The following SLC14A2 variants were observed in gnomAD, a reference collection of about 807,000 sequenced individuals.
The protein encoded by SLC14A2 is solute carrier family 14 member 2.
SLC14A2 carries 91 observed loss-of-function variants against 104.6 expected under a neutral mutation model. That is an observed-to-expected ratio of 0.87 (90% confidence interval 0.73 to 1.04). The LOEUF is 1.04. Ranked by LOEUF, SLC14A2 falls within the 50% of genes least tolerant of loss-of-function variation. The probability of loss-of-function intolerance (pLI) is 0.00; values close to 1 mark genes in which losing one functional copy is unlikely to be tolerated. For missense variants in SLC14A2, 1,189 were observed against 1,156.0 expected, an observed-to-expected ratio of 1.03 and a Z score of -0.41; for synonymous variants, 476 against 466.4, an observed-to-expected ratio of 1.02 and a Z score of -0.27.
At chr18:45,333,713 T>G (rs1210914109) in intron 1 of SLC14A2, among the ~76,000 whole-genome samples, 5 of 152,168 alleles carry the variant, frequency 3.3e-5, no homozygotes, top group African/African-American at 1.2e-4. Context: ...CAACTAGTCT[T>G]TAATACGCCT....
At chr18:45,320,742 T>C (rs1235288939) in intron 1 of SLC14A2, among the ~76,000 whole-genome samples, 6 of 152,198 alleles carry the variant, frequency 3.9e-5, no homozygotes, top group African/African-American at 1.4e-4. Context: ...ACAGCTATTT[T>C]ATTATACTAT....
rs140618727 is a variant in SLC14A2, at chr18:45,446,220, A to G, written c.-124-37013A>G. Among the ~76,000 whole-genome samples the G allele has an allele frequency of 3.7e-3, 559 of 152,330 alleles. 8 individuals are homozygous for G. Among genetic ancestry groups the G allele is most frequent in the Admixed American group, 0.034 (526 of 15,302 alleles). ...TGAATATGTTCAGAAGATCATTGTT[A>G]TGGATAGAATGTTTGTGCCCTCCTC... On this transcript the variant is annotated intron_variant, in intron 1 of 20. Coordinates refer to the SLC14A2 transcript ENST00000586448.
intron 2 of SLC14A2, among the ~76,000 whole-genome samples, chr18:45,483,883 A>G (rs1331783477): frequency 1.3e-5 from 2 of 152,230 alleles, no homozygotes; most frequent in African/African-American, 4.8e-5. Flanking sequence ...TATATTAAGC[A>G]CAAAGAAAGC....
intron 7 of SLC14A2, among the ~76,000 whole-genome samples, chr18:45,640,880 C>T (rs985794247): frequency 3.3e-5 from 5 of 152,140 alleles, no homozygotes; most frequent in Non-Finnish European, 7.3e-5. Flanking sequence ...CTCTTCAAAC[C>T]TTTTTGGAAA....
intron 2 of SLC14A2, among the ~76,000 whole-genome samples, chr18:45,565,115 C>T (rs1469630175): frequency 4.0e-5 from 6 of 151,418 alleles, no homozygotes; most frequent in Non-Finnish European, 7.4e-5. Context: ...TGTGAGCGTG[C>T]ATGCATGTGC....
At chr18:45,626,392 G>A (rs565686182) in intron 3 of SLC14A2, among the ~76,000 whole-genome samples, 1 of 152,270 alleles carries the variant, frequency 6.6e-6, no homozygotes, top group Non-Finnish European at 1.5e-5. Context: ...CAGTTGTCAT[G>A]GAAACCAAAC....
upstream of SLC14A2, among the ~76,000 whole-genome samples, chr18:45,211,283 C>G (rs767156305): frequency 6.6e-6 from 1 of 152,186 alleles, no homozygotes; most frequent in African/African-American, 2.4e-5. Context: ...CTTTCTCCCC[C>G]TTTTAAATCC....
intron 2 of SLC14A2, among the ~76,000 whole-genome samples, chr18:45,561,472 C>A (rs1222994825): frequency 6.6e-6 from 1 of 152,152 alleles, no homozygotes; most frequent in Non-Finnish European, 1.5e-5. Context: ...CAGCTCACTG[C>A]AAATGAGGCT....
At chr18:45,500,552 G>C (rs999042087) in intron 2 of SLC14A2, among the ~76,000 whole-genome samples, 14 of 149,470 alleles carry the variant, frequency 9.4e-5, no homozygotes, top group South Asian at 4.4e-4. Context: ...ACTCCAGCCT[G>C]GGCGACAGAG....
intron 1 of SLC14A2, among the ~76,000 whole-genome samples, chr18:45,431,165 T>C (rs1271123642): frequency 2.6e-5 from 4 of 152,236 alleles, no homozygotes; most frequent in Non-Finnish European, 4.4e-5. Context: ...GTTCTCTATA[T>C]GGTATTCTTT....
intron 1 of SLC14A2, among the ~76,000 whole-genome samples, chr18:45,407,358 A>T (rs1685003056): frequency 6.6e-6 from 1 of 152,188 alleles, no homozygotes; most frequent in Non-Finnish European, 1.5e-5. Flanking sequence ...GCTTTCATAG[A>T]ATTGAAGTGT....
the SLC14A2 span, among the ~76,000 whole-genome samples, chr18:45,206,224 C>T: frequency 2.0e-5 from 3 of 152,170 alleles, no homozygotes; most frequent in African/African-American, 7.2e-5. Context: ...GCCCCTGTAG[C>T]TCAGTCACTG....
chr18:45,462,037 A>G (rs1370617282), intron 1 of SLC14A2, among the ~76,000 whole-genome samples: 1 of 152,160 alleles, frequency 6.6e-6, no homozygotes, highest in East Asian at 1.9e-4. Flanking sequence ...ACCTGGAAGA[A>G]ACCTGGCCCT....
At position 45,410,512 on chromosome 18, in the gene SLC14A2, T is replaced by C. The variant is rs141809625; in HGVS notation, c.-124-72721T>C. On this transcript the variant is annotated intron_variant, in intron 1 of 20. Transcript: ENST00000586448. ...CTTAAAATGTTTTATTTTTCTACTA[T>C]ATTGAATAACAAATCTTATTTATGT... Among the ~76,000 whole-genome samples, 822 of 152,320 alleles carry C rather than the reference T, an allele frequency of 5.4e-3. 7 individuals are homozygous for C. The highest frequency in any genetic ancestry group is 0.019 in the African/African-American group (780 of 41,562).
intron 2 of SLC14A2, among the ~76,000 whole-genome samples, chr18:45,497,635 C>G (rs935634350): frequency 1.3e-5 from 2 of 152,110 alleles, no homozygotes; most frequent in African/African-American, 4.8e-5. Context: ...AGTGCAGCAG[C>G]GGGCTGACAA....
the SLC14A2 span, among the ~76,000 whole-genome samples, chr18:45,207,283 G>A: frequency 2.7e-5 from 4 of 148,948 alleles, no homozygotes; most frequent in Non-Finnish European, 5.9e-5. Flanking sequence ...ATGAAGGAAA[G>A]AAGAGAAAGG....
intron 13 of SLC14A2, among the ~76,000 whole-genome samples, chr18:45,667,442 G>A (rs2046044805): frequency 6.6e-6 from 1 of 152,174 alleles, no homozygotes; most frequent in African/African-American, 2.4e-5. Flanking sequence ...TGGTTCATGG[G>A]AGAACTGTGT....
intron 2 of SLC14A2, chr18:45,529,157 G>A (rs1163934717): frequency 6.6e-6 from 1 of 152,236 alleles, no homozygotes; most frequent in Non-Finnish European, 1.5e-5. Flanking sequence ...TGAGAAAAAC[G>A]TAGTTTGGGG....
chr18:45,511,774 A>T (rs1376396126), intron 2 of SLC14A2, among the ~76,000 whole-genome samples: 2 of 152,236 alleles, frequency 1.3e-5, no homozygotes, highest in African/African-American at 4.8e-5. Context: ...TGTGTCAAGT[A>T]CTGCTCCCTG....
Sources: allele counts gnomAD v4.1 joint callset (sites outside exome capture counted in the v4.1 genomes callset), GRCh38; gene constraint gnomAD v4.1.1; transcripts MANE v1.5; gene names NCBI Gene and HGNC (gene_info 2026-07-23, HGNC 2026-07-21).